The following FREM3 variants were observed in gnomAD, a reference collection of about 807,000 sequenced individuals.
The protein encoded by FREM3 is FRAS1-related extracellular matrix protein 3.
FREM3 carries 105 observed loss-of-function variants against 129.1 expected under a neutral mutation model. The observed-to-expected ratio is 0.81, with a 90% CI of 0.69 to 0.96. The LOEUF (loss-of-function observed/expected upper bound fraction) is 0.96. Ranked by LOEUF, FREM3 falls within the 40% of genes least tolerant of loss-of-function variation. FREM3 has a pLI of 0.00. For missense variants in FREM3, 2,593 were observed against 2,666.3 expected (o/e 0.97, Z 0.61); for synonymous variants, 1,014 against 1,044.9 (o/e 0.97, Z 0.57).
intron 2 of FREM3, among the ~76,000 whole-genome samples, chr4:143,688,605 C>T (rs1372999862): frequency 2.6e-5 from 4 of 152,140 alleles, no homozygotes; most frequent in Non-Finnish European, 5.9e-5. Flanking sequence ...GGAGGCATCA[C>T]ATTACCTGAT....
At chr4:143,658,306 C>T (rs1739636282) in intron 2 of FREM3, among the ~76,000 whole-genome samples, 1 of 152,164 alleles carries the variant, frequency 6.6e-6, no homozygotes. Flanking sequence ...AGAGACTCTT[C>T]AACCATTCAA....
Position 143,700,263 on chromosome 4 carries a change from C to G in FREM3, c.413G>C (p.Arg138Pro). The G allele has an allele frequency of 6.5e-7, 1 of 1,536,202 alleles. No homozygotes were observed. Among genetic ancestry groups the G allele is most frequent in the Non-Finnish European group, 8.7e-7 (1 of 1,146,816 alleles). Residue 138 changes from arginine (R) to proline (P), a missense_variant, in exon 1 of 8, where the codon CGG becomes CCG. Physicochemically the swap from Arg to Pro is moderately radical, Grantham distance 103 (BLOSUM62 -2). Transcript: ENST00000329798. ...GTCGTAGCGCAGCTGCAGCAGCACC[C>G]GGGCGCGTCCGGGGCTGTGGGAGCC... Reference protein sequence around the residue: ...HFGSHSPGRARVLLQLRYDAP... With the variant: ...HFGSHSPGRAPVLLQLRYDAP...
At chr4:143,695,014 T>G (rs1023758408) in intron 1 of FREM3, among the ~76,000 whole-genome samples, 2 of 152,236 alleles carry the variant, frequency 1.3e-5, no homozygotes, top group African/African-American at 2.4e-5. Context: ...TCTGTGCTTT[T>G]ATTAGACGTA....
chr4:143,673,026 G>A (rs1158456458), intron 2 of FREM3, among the ~76,000 whole-genome samples: 1 of 152,134 alleles, frequency 6.6e-6, no homozygotes, highest in East Asian at 1.9e-4. Flanking sequence ...ACTTCTTTGT[G>A]ATGGGTTCGA....
intron 2 of FREM3, among the ~76,000 whole-genome samples, chr4:143,691,693 T>C (rs1227943319): frequency 6.6e-6 from 1 of 152,200 alleles, no homozygotes; most frequent in Non-Finnish European, 1.5e-5. Context: ...AGTCATAATG[T>C]CTTTAGGGAC....
At chr4:143,627,815 C>T in intron 2 of FREM3, 55 bp from the exon 3 acceptor site, 3 of 1,133,458 alleles carry the variant, frequency 2.6e-6, no homozygotes, top group Non-Finnish European at 3.8e-6. Flanking sequence ...TGGCAATATT[C>T]AATGATCAAT....
chr4:143,693,270 C>A, intron 1 of FREM3, 68 bp from the exon 2 acceptor site: 1 of 703,316 alleles, frequency 1.4e-6, no homozygotes, highest in Non-Finnish European at 2.2e-6. Flanking sequence ...TTAACAACTT[C>A]AAAGTTTTAA....
intron 2 of FREM3, among the ~76,000 whole-genome samples, chr4:143,664,460 G>C (rs528351030): frequency 2.1e-4 from 32 of 152,246 alleles, no homozygotes; most frequent in African/African-American, 7.7e-4. Context: ...TGTCTCAGAG[G>C]AGTACCCTGC....
At chr4:143,633,493 T>C (rs1010366608) in intron 2 of FREM3, among the ~76,000 whole-genome samples, 8 of 152,264 alleles carry the variant, frequency 5.3e-5, no homozygotes, top group African/African-American at 1.7e-4. Flanking sequence ...GTGTTGAGGA[T>C]AGAACAATGA....
Position 143,697,579 on chromosome 4 carries a change from C to A in FREM3, c.3097G>T (p.Asp1033Tyr). 1 of 1,537,566 alleles carries A rather than the reference C, an allele frequency of 6.5e-7. No homozygotes were observed. Among genetic ancestry groups the A allele is most frequent in the East Asian group, 2.4e-5 (1 of 40,904 alleles). ...TTGGAGAGGATGAGGCTGAAGGCATCGTGCTGCTTTTGAAAACCAACTTCA... is the reference window on the plus strand; with the variant it reads ...TTGGAGAGGATGAGGCTGAAGGCATAGTGCTGCTTTTGAAAACCAACTTCA... ...AGEVGFQKQH[D>Y]AFSLILSKDS... The change falls in exon 1 of 8, where the codon GAT becomes TAT. Residue 1033 changes from aspartate (D) to tyrosine (Y), a missense_variant. Physicochemically the swap from Asp to Tyr is radical, Grantham distance 160 (BLOSUM62 -3). Coordinates refer to ENST00000329798, the MANE Select transcript of FREM3 (RefSeq NM_001168235.2).
At chr4:143,626,121 T>G (rs1480543758) in intron 3 of FREM3, among the ~76,000 whole-genome samples, 3 of 152,090 alleles carry the variant, frequency 2.0e-5, no homozygotes, top group Non-Finnish European at 4.4e-5. Flanking sequence ...CTGATTGAGA[T>G]GGTTTAGAGG....
chr4:143,586,018 T>A, intron 6 of FREM3, 25 bp from the exon 7 acceptor site: 1 of 1,536,718 alleles, frequency 6.5e-7, no homozygotes, highest in African/African-American at 1.4e-5. Context: ...AAAGATACAC[T>A]AAGAATGCTT....
intron 6 of FREM3, among the ~76,000 whole-genome samples, chr4:143,596,242 C>T (rs1194080570): frequency 6.6e-6 from 1 of 152,154 alleles, no homozygotes. Flanking sequence ...TTTTTGTTTT[C>T]TGCACATCTG....
intron 6 of FREM3, among the ~76,000 whole-genome samples, chr4:143,607,961 G>A (rs1169047562): frequency 4.6e-5 from 7 of 152,046 alleles, no homozygotes; most frequent in African/African-American, 9.7e-5. Context: ...TGCATTCCTC[G>A]GCTTGTGGCC....
At chr4:143,648,051 C>T (rs1739449416) in intron 2 of FREM3, among the ~76,000 whole-genome samples, 1 of 152,220 alleles carries the variant, frequency 6.6e-6, no homozygotes, top group African/African-American at 2.4e-5. Context: ...TGGGAGCCCA[C>T]CTCGTGCATC....
chr4:143,594,480 A>G lies in FREM3; in HGVS notation c.6029-8487T>C, dbSNP rs76366667. Reference sequence around the variant, plus strand: ...TGATGCAGTGGCTGGCATATTGACAAAGTCTCAAGAATTTGTCAAATGGAC... The same window carrying G: ...TGATGCAGTGGCTGGCATATTGACAGAGTCTCAAGAATTTGTCAAATGGAC... On this transcript the variant is annotated intron_variant, in intron 6 of 7. Transcript: ENST00000329798. Among the ~76,000 whole-genome samples the G allele has an allele frequency of 2.0e-3, 300 of 152,294 alleles. 1 individual carries two copies. The highest frequency in any genetic ancestry group is 6.5e-3 in the African/African-American group (272 of 41,542).
chr4:143,596,864 G>A (rs915798462), intron 6 of FREM3, among the ~76,000 whole-genome samples: 6 of 152,158 alleles, frequency 3.9e-5, no homozygotes, highest in Admixed American at 1.3e-4. Context: ...CTTGAGCCCA[G>A]GAGATTGTGG....
chr4:143,599,399 C>T (rs1348430033), intron 6 of FREM3, among the ~76,000 whole-genome samples: 1 of 152,118 alleles, frequency 6.6e-6, no homozygotes, highest in African/African-American at 2.4e-5. Context: ...TTGGGAAAGT[C>T]ACTTTAACTC....
chr4:143,682,589 T>G (rs1740274722), intron 2 of FREM3, among the ~76,000 whole-genome samples: 1 of 152,226 alleles, frequency 6.6e-6, no homozygotes, highest in South Asian at 2.1e-4. Context: ...ATCCCTGCTT[T>G]TGTTCTTTTG....
Sources: allele counts gnomAD v4.1 joint callset (sites outside exome capture counted in the v4.1 genomes callset), GRCh38; gene constraint gnomAD v4.1.1; transcripts MANE v1.5; gene names NCBI Gene and HGNC (gene_info 2026-07-23, HGNC 2026-07-21).